The following COL27A1 variants were observed in gnomAD, a reference collection of about 807,000 sequenced individuals.
The protein encoded by COL27A1 is collagen alpha-1(XXVII) chain.
In COL27A1, 106 loss-of-function variants were observed where a neutral mutation model predicts 251.3. That is an observed-to-expected ratio of 0.42 (90% CI 0.36 to 0.50). The LOEUF (loss-of-function observed/expected upper bound fraction) is 0.50. Among genes scored for constraint, COL27A1 ranks in the 20% least tolerant of loss-of-function variants. COL27A1 has a pLI of 0.00. For missense variants in COL27A1, 2,325 were observed against 2,522.8 expected (o/e 0.92, Z 1.68); for synonymous variants, 1,000 against 986.3 (o/e 1.01, Z -0.26).
At chr9:114,297,020 A>T (rs11790440) in intron 49 of COL27A1, among the ~76,000 whole-genome samples, 2,082 of 152,344 alleles carry the variant, frequency 0.014, 19 homozygotes, top group Admixed American at 0.026. Context: ...GCATTGAAAG[A>T]AGATAGATCA....
rs993214164 is a variant in COL27A1 at position 114,258,523 on chromosome 9, T to C, written c.3142-18T>C. On this transcript the variant is annotated intron_variant, in intron 27 of 60. Coordinates refer to ENST00000356083, the MANE Select transcript of COL27A1 (RefSeq NM_032888.4). ...TTCCTAAAAAGGGGCCTCTCCAAACTCTTTCTCCTCTTCCCAGGGTCCTCC... is the reference window on the plus strand; with the variant it reads ...TTCCTAAAAAGGGGCCTCTCCAAACCCTTTCTCCTCTTCCCAGGGTCCTCC... 16 of 1,611,614 alleles carry C rather than the reference T, an allele frequency of 9.9e-6. No individual in the cohort carries two copies. In the African/African-American group the frequency reaches 1.9e-4, roughly 19 times the overall value.
chr9:114,236,137 C>T (rs1565499), intron 17 of COL27A1, among the ~76,000 whole-genome samples: 1 of 152,116 alleles, frequency 6.6e-6, no homozygotes, highest in African/African-American at 2.4e-5. Context: ...GGGACCCCCT[C>T]CACCCAGCCT....
intron 16 of COL27A1, among the ~76,000 whole-genome samples, chr9:114,232,790 G>A (rs1832060120): frequency 6.6e-6 from 1 of 152,198 alleles, no homozygotes; most frequent in South Asian, 2.1e-4. Flanking sequence ...AAGCTTGCTT[G>A]GGCCGGGCAC....
At chr9:114,236,277 G>A (rs1832392600) in intron 17 of COL27A1, among the ~76,000 whole-genome samples, 1 of 152,138 alleles carries the variant, frequency 6.6e-6, no homozygotes, top group South Asian at 2.1e-4. Flanking sequence ...GATTTTGGGG[G>A]ACTTGTACTG....
intron 31 of COL27A1, 141 bp downstream of exon 31, chr9:114,265,251 C>T (rs1353337344): frequency 5.4e-6 from 6 of 1,109,968 alleles, no homozygotes; most frequent in South Asian, 4.2e-5. Context: ...CCCACCTGCC[C>T]TGCACTGAAG....
At chr9:114,280,878 C>T (rs1020328412) in intron 37 of COL27A1, among the ~76,000 whole-genome samples, 6 of 152,266 alleles carry the variant, frequency 3.9e-5, no homozygotes, top group Non-Finnish European at 7.4e-5. Context: ...CAAAGCCAGC[C>T]GCCCCATAAT....
At chr9:114,223,078 G>T (rs1831228203) in intron 14 of COL27A1, among the ~76,000 whole-genome samples, 1 of 151,914 alleles carries the variant, frequency 6.6e-6, no homozygotes, top group South Asian at 2.1e-4. Context: ...AGTGGTTCTA[G>T]CCAAAGCCAG....
intron 18 of COL27A1, 64 bp from the exon 19 acceptor site, chr9:114,237,598 G>T (rs371969681): frequency 1.0e-5 from 14 of 1,352,666 alleles, no homozygotes; most frequent in Non-Finnish European, 1.4e-5. Context: ...GCGGGGGAAC[G>T]CAGGGGGTTC....
intron 2 of COL27A1, among the ~76,000 whole-genome samples, chr9:114,166,760 A>G (rs1168743053): frequency 6.6e-6 from 1 of 152,236 alleles, no homozygotes; most frequent in African/African-American, 2.4e-5. Flanking sequence ...AAGCCTTTCC[A>G]TAAACACTCT....
intron 12 of COL27A1, chr9:114,217,782 C>T (rs1299108498): frequency 2.1e-6 from 1 of 470,804 alleles, no homozygotes; most frequent in African/African-American, 2.0e-5. Flanking sequence ...CCTTCTACCC[C>T]AAAGTTCAGA....
intron 12 of COL27A1, among the ~76,000 whole-genome samples, 170 bp downstream of exon 12, chr9:114,211,196 G>A (rs540148010): frequency 3.9e-5 from 6 of 152,358 alleles, no homozygotes; most frequent in South Asian, 2.1e-4. Context: ...GGCACACGGC[G>A]TGACTGGGGC....
At chr9:114,307,877 G>A (rs1829169752) in intron 59 of COL27A1, 99 bp downstream of exon 59, 2 of 768,636 alleles carry the variant, frequency 2.6e-6, no homozygotes, top group Non-Finnish European at 2.2e-6. Flanking sequence ...AGCTGTGCCT[G>A]TCTTACTGCA....
chr9:114,284,958 A>G (rs1478755618), intron 41 of COL27A1, among the ~76,000 whole-genome samples, 181 bp downstream of exon 41: 2 of 152,198 alleles, frequency 1.3e-5, no homozygotes, highest in Non-Finnish European at 2.9e-5. Context: ...GAGCTGTCAG[A>G]TCCACATTCA....
At chr9:114,280,894 T>C (rs1835859392) in intron 37 of COL27A1, among the ~76,000 whole-genome samples, 1 of 152,210 alleles carries the variant, frequency 6.6e-6, no homozygotes, top group Non-Finnish European at 1.5e-5. Context: ...ATAATTTTCA[T>C]GCGCTGGCCA....
At chr9:114,244,916 T>C (rs978159882) in intron 23 of COL27A1, among the ~76,000 whole-genome samples, 6 of 152,310 alleles carry the variant, frequency 3.9e-5, no homozygotes, top group East Asian at 1.9e-4. Context: ...AAGGCCGAGA[T>C]AGGCCACCCA....
chr9:114,242,882 A>G (rs1010486099), intron 22 of COL27A1, among the ~76,000 whole-genome samples: 5 of 152,228 alleles, frequency 3.3e-5, no homozygotes, highest in Non-Finnish European at 5.9e-5. Context: ...TATTTTCCAT[A>G]GCAAAATAAT....
At chr9:114,197,510 G>C (rs1829231105) in intron 7 of COL27A1, among the ~76,000 whole-genome samples, 1 of 152,180 alleles carries the variant, frequency 6.6e-6, no homozygotes, top group Admixed American at 6.5e-5. Flanking sequence ...GGTGTGAGTG[G>C]AAAAGGCTCC....
chr9:114,238,018 TCACAGGAGCTTCC>T (rs1338166144), intron 19 of COL27A1, among the ~76,000 whole-genome samples: 4 of 152,182 alleles, frequency 2.6e-5, no homozygotes, highest in African/African-American at 7.2e-5. Context: ...GTCTGGTCCC[TCACAGGAGCTTCC>T]CACATTCTCC....
Position 114,267,810 on chromosome 9 carries a change from C to T in COL27A1, c.3501+253C>T, listed in dbSNP as rs542566993. Among the ~76,000 whole-genome samples the T allele has an allele frequency of 1.1e-3, 162 of 152,276 alleles. 2 individuals carry two copies. Among genetic ancestry groups the T allele is most frequent in the African/African-American group, 3.7e-3 (154 of 41,540 alleles). On this transcript the variant is annotated intron_variant, in intron 34 of 60. Coordinates refer to ENST00000356083, the MANE Select transcript of COL27A1 (RefSeq NM_032888.4). ...TGCTGGGGTGGCTGTACCTCCTGGC[C>T]TCATGCGATACCATCTGCAGCTCGG...
Sources: gnomAD v4.1 joint callset for allele counts (sites outside exome capture counted in the v4.1 genomes callset) on GRCh38, gnomAD v4.1.1 for gene constraint, MANE v1.5 for transcripts, NCBI Gene and HGNC (gene_info 2026-07-23, HGNC 2026-07-21) for gene names.